Variants in MMS22L observed in about 807,000 individuals in gnomAD.
The protein encoded by MMS22L is protein MMS22-like.
In MMS22L, 74 loss-of-function variants were observed where a neutral mutation model predicts 159.1. The observed-to-expected ratio is 0.47, with a 90% CI of 0.39 to 0.56. The LOEUF (loss-of-function observed/expected upper bound fraction) is 0.56. Ranked by LOEUF, MMS22L falls within the 20% of genes least tolerant of loss-of-function variation. MMS22L has a pLI of 0.00. For synonymous variants in MMS22L, 517 were observed against 506.9 expected (o/e 1.02, Z -0.27); for missense variants, 1,351 against 1,422.1 (o/e 0.95, Z 0.80).
intron 14 of MMS22L, among the ~76,000 whole-genome samples, chr6:97,201,610 A>C (rs1048478616): frequency 1.3e-5 from 2 of 152,226 alleles, no homozygotes; most frequent in African/African-American, 4.8e-5. Flanking sequence ...TTCCAGCACC[A>C]GCTATGCTGT....
At chr6:97,272,607 G>T in intron 6 of MMS22L, 97 bp downstream of exon 6, 1 of 1,097,158 alleles carries the variant, frequency 9.1e-7, no homozygotes. Context: ...TCAGGTTCCA[G>T]AGCTGTAATT....
chr6:97,269,543 C>G (rs1424854186), intron 7 of MMS22L, among the ~76,000 whole-genome samples: 5 of 151,958 alleles, frequency 3.3e-5, no homozygotes, highest in African/African-American at 1.2e-4. Context: ...TAACATGCAG[C>G]CTTTAAATGG....
At chr6:97,262,267 TAA>T (rs1465668648) in intron 9 of MMS22L, among the ~76,000 whole-genome samples, 16 of 152,224 alleles carry the variant, frequency 1.1e-4, no homozygotes, top group Admixed American at 5.9e-4. Flanking sequence ...AAAAATATAT[TAA>T]GTTTACATTT....
intron 14 of MMS22L, among the ~76,000 whole-genome samples, chr6:97,199,628 C>T (rs1011665321): frequency 1.3e-5 from 2 of 151,972 alleles, no homozygotes; most frequent in Non-Finnish European, 2.9e-5. Flanking sequence ...ATTATACAAC[C>T]AGAAACTAGT....
intron 6 of MMS22L, chr6:97,270,914 C>A (rs1394007082): frequency 2.0e-5 from 3 of 151,972 alleles, no homozygotes; most frequent in Non-Finnish European, 4.4e-5. Flanking sequence ...AAGCAACAAT[C>A]AAAATATTTT....
At chr6:97,152,005 A>C in intron 22 of MMS22L, 138 bp from the exon 23 acceptor site, 1 of 587,110 alleles carries the variant, frequency 1.7e-6, no homozygotes. Context: ...TTCAAAATGA[A>C]ATAGTTCTAA....
In MMS22L at chr6:97,149,850, T is replaced by C. The variant is rs2128230980; in HGVS notation, c.3650+3A>G. ...CCCAATGTAATTAAATTATCAAACATACCTTTGTGCTATATTCCTGCCAAG... is the reference window on the plus strand; with the variant it reads ...CCCAATGTAATTAAATTATCAAACACACCTTTGTGCTATATTCCTGCCAAG... On this transcript the variant is annotated splice_donor_region_variant and intron_variant, in intron 24 of 24. Transcript: ENST00000683635. 6.3e-7 allele frequency: 1 copy of C among 1,593,766 alleles called. No homozygotes were observed. The highest frequency in any genetic ancestry group is 8.5e-7 in the Non-Finnish European group (1 of 1,170,030).
chr6:97,252,977 A>G (rs1813400485), intron 10 of MMS22L, among the ~76,000 whole-genome samples: 1 of 152,220 alleles, frequency 6.6e-6, no homozygotes, highest in Admixed American at 6.5e-5. Flanking sequence ...GGCAATTGCT[A>G]AAATTTATTA....
intron 18 of MMS22L, among the ~76,000 whole-genome samples, chr6:97,175,577 T>G (rs1804033232): frequency 6.6e-6 from 1 of 152,160 alleles, no homozygotes; most frequent in African/African-American, 2.4e-5. Context: ...CATGAATGCT[T>G]TTTAAAAAGC....
chr6:97,280,565 C>T (rs1030983421), intron 3 of MMS22L, among the ~76,000 whole-genome samples: 3 of 152,042 alleles, frequency 2.0e-5, no homozygotes, highest in African/African-American at 2.4e-5. Flanking sequence ...ACTCCCGCCT[C>T]GGCCTCCCAA....
rs1800886009 is a variant in MMS22L at position 97,145,365 on chromosome 6, A to C, written c.*1441T>G. On this transcript the variant is annotated 3_prime_UTR_variant, in exon 25 of 25. Transcript: ENST00000683635. ...ATTAACTACAGAATACTGATTGCAA[A>C]GTATTTCATTTTTAAAGATACTCCT... 1 of 152,222 alleles carries C rather than the reference A, an allele frequency of 6.6e-6. No homozygotes were observed. Among genetic ancestry groups the C allele is most frequent in the Non-Finnish European group, 1.5e-5 (1 of 68,028 alleles). 9.4% of individuals were successfully genotyped at this position (152,222 alleles called of 1,614,324 possible).
intron 20 of MMS22L, among the ~76,000 whole-genome samples, chr6:97,165,729 C>A (rs1802899112): frequency 6.6e-6 from 1 of 152,082 alleles, no homozygotes; most frequent in African/African-American, 2.4e-5. Context: ...AAGGCAGATT[C>A]TTTTCCTGTA....
chr6:97,187,430 T>A (rs953733993), intron 14 of MMS22L, among the ~76,000 whole-genome samples: 1 of 152,196 alleles, frequency 6.6e-6, no homozygotes, highest in Non-Finnish European at 1.5e-5. Flanking sequence ...CTTAGTGATG[T>A]GGAACAGAAG....
At chr6:97,284,029 C>T (rs1182036960), upstream of MMS22L, among the ~76,000 whole-genome samples, 1 of 152,006 alleles carries the variant, frequency 6.6e-6, no homozygotes, top group Non-Finnish European at 1.5e-5. Context: ...ACAGTACCTG[C>T]TTACATTAAA....
At position 97,142,416 on chromosome 6, in the gene MMS22L, G is replaced by A. The variant is rs528815858; in HGVS notation, c.*4390C>T. 20 of 152,556 alleles carry A rather than the reference G, an allele frequency of 1.3e-4. No individual in the cohort carries two copies. Among genetic ancestry groups the A allele is most frequent in the African/African-American group, 4.6e-4 (19 of 41,558 alleles). 9.5% of individuals were successfully genotyped at this position (152,556 alleles called of 1,614,324 possible). A position where few individuals can be genotyped will look rare whatever the true frequency, so the allele number is the denominator to read the frequency against. ...ATTAAATTTGTAAAGAATATGCTAT[G>A]TTGCTAGCTTCCCAAACCAACTGTT... On this transcript the variant is annotated 3_prime_UTR_variant, in exon 25 of 25. Coordinates refer to ENST00000683635, the MANE Select transcript of MMS22L (RefSeq NM_001350599.2).
At chr6:97,150,071 G>T (rs954153562) in intron 23 of MMS22L, 51 bp from the exon 24 acceptor site, 3 of 1,497,874 alleles carry the variant, frequency 2.0e-6, no homozygotes, top group Non-Finnish European at 2.8e-6. Context: ...AATTCCTTGT[G>T]TTGGTATCTA....
chr6:97,282,540 G>A lies in MMS22L; in HGVS notation c.-63C>T. 2.7e-6 allele frequency: 1 copy of A among 373,164 alleles called. No homozygotes were observed. Among genetic ancestry groups the A allele is most frequent in the Non-Finnish European group, 4.0e-6 (1 of 252,106 alleles). The allele number at this position is 373,164 out of a possible 1,614,324, so 23.1% of individuals were successfully genotyped here. Reference sequence around the variant, plus strand: ...TATCATTAAGGGCTCCAAAGAGAAGGTGTGAAGAGATTCCTGTTGGGGGGG... The same window carrying A: ...TATCATTAAGGGCTCCAAAGAGAAGATGTGAAGAGATTCCTGTTGGGGGGG... On this transcript the variant is annotated 5_prime_UTR_variant, in exon 2 of 25. Coordinates refer to ENST00000683635, the MANE Select transcript of MMS22L (RefSeq NM_001350599.2).
chr6:97,251,320 G>A (rs1357784631), intron 10 of MMS22L, among the ~76,000 whole-genome samples: 1 of 152,126 alleles, frequency 6.6e-6, no homozygotes, highest in Non-Finnish European at 1.5e-5. Context: ...TTCTTTACCT[G>A]TAAAATGAAT....
chr6:97,179,518 A>G lies in MMS22L; in HGVS notation c.2426T>C (p.Phe809Ser). 6.2e-7 allele frequency: 1 copy of G among 1,613,334 alleles called. No individual in the cohort carries two copies. The highest frequency in any genetic ancestry group is 8.5e-7 in the Non-Finnish European group (1 of 1,179,586). The change falls in exon 17 of 25, where the codon TTT becomes TCT. Residue 809 changes from phenylalanine to serine, a missense_variant. By Grantham distance (155) the Phe-to-Ser change is radical. Transcript: ENST00000683635. ...CCATGATCTTACGGTTAAGGCTTGA[A>G]AAGATACATAGCCTGAATGAGAAAG... The part of the protein sequence containing the change: ...EALSHSGYVS[F>S]QALTVRSWIR...
Sources: allele counts gnomAD v4.1 joint callset (sites outside exome capture counted in the v4.1 genomes callset), GRCh38; gene constraint gnomAD v4.1.1; transcripts MANE v1.5; gene names NCBI Gene and HGNC (gene_info 2026-07-23, HGNC 2026-07-21).